The following MCTP2 variants were observed in gnomAD, a reference collection of about 807,000 sequenced individuals.
MCTP2 encodes the protein multiple C2 and transmembrane domain-containing protein 2.
In MCTP2, 132 loss-of-function variants were observed where a neutral mutation model predicts 111.6. The observed-to-expected ratio is 1.18, with a 90% CI of 1.03 to 1.37. MCTP2 has a LOEUF of 1.37. Among genes scored for constraint, MCTP2 ranks in the 40% most tolerant of loss-of-function variants. The pLI, the probability that MCTP2 is intolerant of heterozygous loss-of-function variation, is 0.00. For synonymous variants in MCTP2, 395 were observed against 387.7 expected (o/e 1.02, Z -0.22); for missense variants, 1,183 against 1,067.9 (o/e 1.11, Z -1.50).
intron 2 of MCTP2, among the ~76,000 whole-genome samples, chr15:94,311,430 G>A (rs993566154): frequency 1.3e-5 from 2 of 152,120 alleles, no homozygotes; most frequent in African/African-American, 2.4e-5. Context: ...AGTTAGTGAT[G>A]TAGTTTCTAG....
At chr15:94,271,041 C>G (rs1396454764) in intron 1 of MCTP2, among the ~76,000 whole-genome samples, 1 of 152,182 alleles carries the variant, frequency 6.6e-6, no homozygotes. Flanking sequence ...TGACTGGTAA[C>G]ACTTGGTTGT....
chr15:94,397,540 A>T (rs1487826002), intron 14 of MCTP2, among the ~76,000 whole-genome samples: 1 of 152,178 alleles, frequency 6.6e-6, no homozygotes, highest in Non-Finnish European at 1.5e-5. Flanking sequence ...TCCTGTTTGG[A>T]CACCGTTTAG....
intron 1 of MCTP2, among the ~76,000 whole-genome samples, chr15:94,279,264 C>A (rs927960240): frequency 6.6e-6 from 1 of 152,052 alleles, no homozygotes; most frequent in African/African-American, 2.4e-5. Context: ...GAATGCTTTT[C>A]CATTTGTTTG....
At chr15:94,390,064 A>ACATATATATG (rs1567601964) in intron 14 of MCTP2, among the ~76,000 whole-genome samples, 2 of 17,358 alleles carry the variant, frequency 1.2e-4, no homozygotes, top group Non-Finnish European at 2.4e-4. Flanking sequence ...ATATATATAT[A>ACATATATATG]TATATATATA....
At chr15:94,265,345 C>A (rs2073456583) in intron 1 of MCTP2, among the ~76,000 whole-genome samples, 1 of 152,192 alleles carries the variant, frequency 6.6e-6, no homozygotes, top group African/African-American at 2.4e-5. Flanking sequence ...GACGAAGGGA[C>A]TGAGTTCAGT....
chr15:94,330,286 T>C (rs11074262), intron 4 of MCTP2, among the ~76,000 whole-genome samples: 65,173 of 152,022 alleles, frequency 0.43, 14,039 homozygotes, highest in Admixed American at 0.5. Flanking sequence ...GGCTGGTGTC[T>C]ATTTTCTTAG....
At chr15:94,465,155 A>AT (rs1231477367) in intron 20 of MCTP2, among the ~76,000 whole-genome samples, 1 of 151,960 alleles carries the variant, frequency 6.6e-6, no homozygotes, top group Non-Finnish European at 1.5e-5. Flanking sequence ...AAATTATTAT[A>AT]TTTTCTTGGT....
chr15:94,324,360 A>G (rs1483760823), intron 4 of MCTP2, among the ~76,000 whole-genome samples: 1 of 152,252 alleles, frequency 6.6e-6, no homozygotes, highest in East Asian at 1.9e-4. Context: ...AGGCCGCTGT[A>G]GTAGTTTACC....
At chr15:94,243,326 T>C (rs1233968844) in intron 1 of MCTP2, among the ~76,000 whole-genome samples, 3 of 148,282 alleles carry the variant, frequency 2.0e-5, no homozygotes, top group Non-Finnish European at 3.0e-5. Context: ...CGTACATACG[T>C]ATGCGTATAT....
At chr15:94,247,750 T>C (rs899615777) in intron 1 of MCTP2, among the ~76,000 whole-genome samples, 4 of 152,190 alleles carry the variant, frequency 2.6e-5, no homozygotes, top group African/African-American at 9.7e-5. Context: ...TTACACAACA[T>C]GTTTTTCCAA....
intron 12 of MCTP2, 125 bp from the exon 13 acceptor site, chr15:94,383,897 C>T (rs917047267): frequency 2.5e-5 from 17 of 683,604 alleles, no homozygotes; most frequent in Non-Finnish European, 3.7e-5. Flanking sequence ...CTCCATGACT[C>T]ATTGGAAAAG....
At chr15:94,433,002 A>G (rs567525530) in intron 17 of MCTP2, among the ~76,000 whole-genome samples, 19 of 152,312 alleles carry the variant, frequency 1.2e-4, no homozygotes, top group African/African-American at 3.6e-4. Context: ...TTTCATCATG[A>G]AACCTGATAG....
intron 22 of MCTP2, among the ~76,000 whole-genome samples, chr15:94,477,228 C>A (rs772274748): frequency 6.6e-6 from 1 of 152,158 alleles, no homozygotes; most frequent in Non-Finnish European, 1.5e-5. Context: ...CCTGATTTAT[C>A]TCCTAGGCCT....
At chr15:94,460,237 A>G (rs1235915842) in intron 20 of MCTP2, among the ~76,000 whole-genome samples, 1 of 152,196 alleles carries the variant, frequency 6.6e-6, no homozygotes, top group African/African-American at 2.4e-5. Context: ...CAATTCTGAA[A>G]CAGAAGAAAC....
intron 4 of MCTP2, among the ~76,000 whole-genome samples, chr15:94,323,686 G>C (rs1229337986): frequency 6.6e-6 from 1 of 152,140 alleles, no homozygotes; most frequent in Non-Finnish European, 1.5e-5. Flanking sequence ...TTCTAAGAAC[G>C]AGTCTTACTC....
intron 1 of MCTP2, among the ~76,000 whole-genome samples, chr15:94,256,455 T>C (rs796083000): frequency 2.0e-5 from 3 of 152,314 alleles, no homozygotes; most frequent in African/African-American, 7.2e-5. Context: ...ACAACTTTTA[T>C]TGATGATATA....
chr15:94,243,778 CAT>C (rs776856812), intron 1 of MCTP2, among the ~76,000 whole-genome samples: 67 of 143,090 alleles, frequency 4.7e-4, no homozygotes, highest in African/African-American at 1.1e-3. Context: ...TATTTATGAA[CAT>C]ATATATGTAT....
At chr15:94,350,081 G>C (rs1040758650) in intron 8 of MCTP2, among the ~76,000 whole-genome samples, 2 of 152,184 alleles carry the variant, frequency 1.3e-5, no homozygotes, top group African/African-American at 4.8e-5. Flanking sequence ...CTTTGAACAA[G>C]TCCTCCAGGT....
At chr15:94,386,935 G>A (rs1256225709) in intron 14 of MCTP2, among the ~76,000 whole-genome samples, 3 of 151,950 alleles carry the variant, frequency 2.0e-5, no homozygotes, top group Admixed American at 1.3e-4. Context: ...ACCCTTACCC[G>A]ATTCTGTCTT....
Sources: allele counts gnomAD v4.1 joint callset (sites outside exome capture counted in the v4.1 genomes callset), GRCh38; gene constraint gnomAD v4.1.1; transcripts MANE v1.5; gene names NCBI Gene and HGNC (gene_info 2026-07-23, HGNC 2026-07-21).